Variants in MATN2 observed in about 807,000 individuals in gnomAD.
MATN2 encodes the protein matrilin-2.
A neutral mutation model predicts 103.2 loss-of-function variants in MATN2; 69 were observed. The observed-to-expected ratio is 0.67, with a 90% confidence interval of 0.55 to 0.82. The LOEUF is 0.82. MATN2 is among the 40% of genes least tolerant of loss of function. The probability of loss-of-function intolerance (pLI) is 0.00; values close to 1 mark genes in which losing one functional copy is unlikely to be tolerated. For synonymous variants in MATN2, 429 were observed against 450.2 expected, an observed-to-expected ratio of 0.95 and a Z score of 0.60; for missense variants, 1,023 against 1,211.5, an observed-to-expected ratio of 0.84 and a Z score of 2.31.
rs1209587016 is a variant in MATN2 at position 98,005,283 on chromosome 8, T to C, written c.1327+1500T>C. Among the ~76,000 whole-genome samples the C allele has an allele frequency of 6.6e-6, 1 of 152,228 alleles. No homozygotes were observed. Among genetic ancestry groups the C allele is most frequent in the African/African-American group, 2.4e-5 (1 of 41,454 alleles). On this transcript the variant is annotated intron_variant, in intron 8 of 18. Transcript: ENST00000254898. This position sits in a 1 kb window ranked among gnomAD's most constrained non-coding sequence, Gnocchi z 4.6. ...AAGTCAGTGCCTGCTGTACGTTGCC[T>C]CTGCATGTCTCTGAGTCCTTTTGAG...
intron 1 of MATN2, among the ~76,000 whole-genome samples, chr8:97,870,286 G>C (rs557118805): frequency 1.3e-5 from 2 of 152,210 alleles, no homozygotes; most frequent in African/African-American, 4.8e-5. Context: ...TGGGAAGCCG[G>C]GGCGGGCGGA....
chr8:97,929,497 G>C (rs1810109205), intron 2 of MATN2, among the ~76,000 whole-genome samples: 1 of 152,162 alleles, frequency 6.6e-6, no homozygotes, highest in African/African-American at 2.4e-5. Flanking sequence ...GGAATGCCCA[G>C]CCTCCACCCA....
intron 4 of MATN2, among the ~76,000 whole-genome samples, chr8:97,952,916 A>ATTTTTTTTTTTTT (rs71570276): frequency 2.1e-5 from 2 of 96,138 alleles, no homozygotes; most frequent in African/African-American, 8.2e-5. Context: ...GTTTGTAGGG[A>ATTTTTTTTTTTTT]TTTTTTTTTT....
chr8:97,927,329 T>A (rs5893438), intron 2 of MATN2, among the ~76,000 whole-genome samples: 776 of 18,788 alleles, frequency 0.041, 6 homozygotes, highest in African/African-American at 0.087. Flanking sequence ...TATTATTATT[T>A]TTTTTTTTTT....
At position 97,995,914 on chromosome 8, in the gene MATN2, A is replaced by G. The variant is rs115035345; in HGVS notation, c.1204+1312A>G. 7.1e-3 allele frequency among the ~76,000 whole-genome samples: 1,082 copies of G among 152,308 alleles called. 9 individuals are homozygous for G. Among genetic ancestry groups the G allele is most frequent in the African/African-American group, 0.024 (1,017 of 41,558 alleles). On this transcript the variant is annotated intron_variant, in intron 7 of 18. Coordinates refer to ENST00000254898, the MANE Select transcript of MATN2 (RefSeq NM_002380.5). ...GCATTCAGAATGTGAAAACAATTAG[A>G]TAAGCTATTTTTCATAAGACCACAC...
At position 97,931,324 on chromosome 8, in the gene MATN2, A is replaced by T; in HGVS notation, c.514A>T (p.Arg172Ter). Reference protein sequence around the residue: ...PRVIMIVTDGRPQDSVAEVAA... With the variant: ...PRVIMIVTDG ...GGTCATAATGATCGTGACAGATGGG[A>T]GACCTCAGGACTCCGTGGCCGAGGT... The change falls in exon 3 of 19, where the codon AGA becomes TGA. Residue 172 changes from arginine (R) to a stop codon, truncating the protein, a stop_gained. Transcript: ENST00000254898. LOFTEE classifies it high-confidence loss of function. The surrounding 1 kb of genome is among the most constrained non-coding windows in gnomAD (Gnocchi z 4.1). 1.9e-6 allele frequency: 3 copies of T among 1,613,918 alleles called. No homozygotes were observed. Among genetic ancestry groups the T allele is most frequent in the Non-Finnish European group, 2.5e-6 (3 of 1,179,878 alleles).
intron 1 of MATN2, among the ~76,000 whole-genome samples, chr8:97,882,071 G>A (rs1195038381): frequency 6.6e-6 from 1 of 151,318 alleles, no homozygotes; most frequent in African/African-American, 2.4e-5. Context: ...ACAGGTGTGC[G>A]CCACCATGCC....
chr8:97,970,681 C>T (rs1302524717), intron 5 of MATN2, among the ~76,000 whole-genome samples: 1 of 152,110 alleles, frequency 6.6e-6, no homozygotes, highest in East Asian at 1.9e-4. Flanking sequence ...GATGTGGTGG[C>T]TTATGCATGT....
intron 13 of MATN2, among the ~76,000 whole-genome samples, chr8:98,022,809 C>T (rs1194454316): frequency 1.3e-5 from 2 of 152,176 alleles, no homozygotes; most frequent in African/African-American, 2.4e-5. Context: ...TAATCTCGGC[C>T]GGGCGCTATG....
intron 2 of MATN2, among the ~76,000 whole-genome samples, chr8:97,896,471 G>A (rs1818809687): frequency 6.6e-6 from 1 of 152,254 alleles, no homozygotes; most frequent in Non-Finnish European, 1.5e-5. Context: ...GTGGTCAGTA[G>A]GATCAGGCAG....
chr8:97,907,351 C>T (rs1354431802), intron 2 of MATN2, among the ~76,000 whole-genome samples: 1 of 142,188 alleles, frequency 7.0e-6, no homozygotes, highest in African/African-American at 2.6e-5. Flanking sequence ...TCGCTCTTTC[C>T]TCCAGGCTGG....
chr8:97,900,242 A>G (rs779053835), intron 2 of MATN2, among the ~76,000 whole-genome samples: 10 of 152,094 alleles, frequency 6.6e-5, no homozygotes, highest in Non-Finnish European at 1.3e-4. Flanking sequence ...GGAAGTTATT[A>G]TAAGCCTACA....
chr8:98,004,066 C>A, intron 8 of MATN2: 1 of 343,912 alleles, frequency 2.9e-6, no homozygotes, highest in Non-Finnish European at 5.7e-6. Context: ...GCGGGCAGAT[C>A]ACCTGAGGTC....
chr8:97,990,179 CAAAAAA>C (rs34924183), intron 6 of MATN2, among the ~76,000 whole-genome samples: 7 of 45,828 alleles, frequency 1.5e-4, no homozygotes, highest in South Asian at 9.5e-4. Context: ...AAGACTCTGT[CAAAAAA>C]AAAAAAAAAA....
At chr8:97,925,302 T>G (rs777547458) in intron 2 of MATN2, among the ~76,000 whole-genome samples, 16 of 152,252 alleles carry the variant, frequency 1.1e-4, no homozygotes, top group South Asian at 4.2e-4. Flanking sequence ...TAAGTTAGGT[T>G]TTCAATCTTG....
chr8:97,887,644 T>C (rs1818481737), intron 1 of MATN2, among the ~76,000 whole-genome samples: 2 of 152,218 alleles, frequency 1.3e-5, no homozygotes, highest in Admixed American at 6.5e-5. Context: ...ATTTTATATG[T>C]ATAATTTATA....
At chr8:97,928,816 A>G (rs1489402173) in intron 2 of MATN2, among the ~76,000 whole-genome samples, 1 of 152,188 alleles carries the variant, frequency 6.6e-6, no homozygotes, top group African/African-American at 2.4e-5. Flanking sequence ...AACGAGGTGG[A>G]TATTGGTTGC....
chr8:97,928,509 A>G (rs940397623), intron 2 of MATN2, among the ~76,000 whole-genome samples: 1 of 152,182 alleles, frequency 6.6e-6, no homozygotes, highest in Non-Finnish European at 1.5e-5. Flanking sequence ...TACAGGCGTG[A>G]GCCACTGCAC....
chr8:97,946,953 T>C (rs1304497386), intron 4 of MATN2, among the ~76,000 whole-genome samples: 1 of 152,216 alleles, frequency 6.6e-6, no homozygotes, highest in Non-Finnish European at 1.5e-5. Context: ...AATTTAGATG[T>C]GAAAATTCTT....
Sources: gnomAD v4.1 joint callset for allele counts (sites outside exome capture counted in the v4.1 genomes callset) on GRCh38, gnomAD v4.1.1 for gene constraint, Gnocchi (gnomAD v3.1) non-coding constraint, MANE v1.5 for transcripts, NCBI Gene and HGNC (gene_info 2026-07-23, HGNC 2026-07-21) for gene names.